Variants in BICRA observed in about 807,000 individuals in gnomAD.
The protein encoded by BICRA is BRD4-interacting chromatin-remodeling complex-associated protein.
BICRA carries 31 observed loss-of-function variants against 96.9 expected under a neutral mutation model. The ratio of observed to expected loss-of-function variants is 0.32; its 90% CI spans 0.24 to 0.43. The LOEUF is 0.43. BICRA is among the 20% of genes least tolerant of loss of function. The pLI, the probability that BICRA is intolerant of heterozygous loss-of-function variation, is 1.00. For missense variants in BICRA, 2,283 were observed against 2,190.3 expected, an observed-to-expected ratio of 1.04 and a Z score of -0.84; for synonymous variants, 1,350 against 1,071.8, an observed-to-expected ratio of 1.26 and a Z score of -5.07.
intron 1 of BICRA, among the ~76,000 whole-genome samples, chr19:47,668,358 A>G (rs1972813714): frequency 6.6e-6 from 1 of 152,194 alleles, no homozygotes; most frequent in South Asian, 2.1e-4. Context: ...GAGTGGCCAA[A>G]AAAATTGAGC....
chr19:47,674,758 G>T (rs1384352125), intron 4 of BICRA, among the ~76,000 whole-genome samples: 1 of 152,176 alleles, frequency 6.6e-6, no homozygotes, highest in Admixed American at 6.5e-5. Context: ...TGCTGCTTGA[G>T]TGTCTTCACA....
Position 47,695,045 on chromosome 19 carries a change from G to A in BICRA, c.3041G>A (p.Ser1014Asn). The A allele has an allele frequency of 1.3e-6, 2 of 1,500,060 alleles. No individual in the cohort carries two copies. The highest frequency in any genetic ancestry group is 1.8e-6 in the Non-Finnish European group (2 of 1,135,238). The allele number at this position is 1,500,060 out of a possible 1,614,324, so 92.9% of individuals were successfully genotyped here. A position where few individuals can be genotyped will look rare whatever the true frequency, so the allele number is the denominator to read the frequency against. Residue 1014 changes from serine (S) to asparagine (N), a missense_variant, in exon 9 of 15, where the codon AGC becomes AAC. Transcript: ENST00000594866. ...QAPSGTPTAP[S>N]HAPAPAPMAA... ...CCATCTGGGACCCCCACTGCCCCCAGCCACGCCCCCGCCCCGGCACCCATG... is the reference window on the plus strand; with the variant it reads ...CCATCTGGGACCCCCACTGCCCCCAACCACGCCCCCGCCCCGGCACCCATG...
At chr19:47,626,585 T>TTA (rs1972143214) in intron 1 of BICRA, among the ~76,000 whole-genome samples, 1 of 150,470 alleles carries the variant, frequency 6.6e-6, no homozygotes, top group African/African-American at 2.4e-5. Context: ...TTTTTTTTTT[T>TTA]TTTTTAGAGA....
intron 1 of BICRA, chr19:47,663,054 G>A (rs922944963): frequency 5.9e-5 from 9 of 152,220 alleles, no homozygotes; most frequent in African/African-American, 1.7e-4. Context: ...AAACCATAAG[G>A]ATTAACAAGT....
At chr19:47,637,527 G>A (rs1322438077) in intron 1 of BICRA, among the ~76,000 whole-genome samples, 1 of 152,184 alleles carries the variant, frequency 6.6e-6, no homozygotes, top group African/African-American at 2.4e-5. Flanking sequence ...TGATTCTCCT[G>A]CCTTGTTGAG....
At position 47,701,998 on chromosome 19, in the gene BICRA, C is replaced by T. The variant is rs1177503405; in HGVS notation, c.4266C>T (p.Asp1422=). The T allele has an allele frequency of 6.1e-6, 9 of 1,484,504 alleles. No homozygotes were observed. In the Admixed American group the frequency reaches 9.7e-5, roughly 16 times the overall value. 92.0% of individuals were successfully genotyped at this position (1,484,504 alleles called of 1,614,324 possible). A position where few individuals can be genotyped will look rare whatever the true frequency, so the allele number is the denominator to read the frequency against. The stretch of plus-strand genomic sequence containing the variant: ...CGGCGCCGCTGCCCGCCAAAGTGGA[C>T]GAGGCCACCAGCGGGCTCATCCGCG... ...GSPAPLPAKV[D]EATSGLIREL... is the part of the protein sequence containing the mutation. The change falls in exon 15 of 15, where the codon GAC becomes GAT. Residue 1422 remains aspartate, a synonymous_variant. Transcript: ENST00000594866. This position sits in a 1 kb window ranked among gnomAD's most constrained non-coding sequence, Gnocchi z 5.4.
intron 1 of BICRA, among the ~76,000 whole-genome samples, chr19:47,657,149 C>CCA (rs1972630777): frequency 6.6e-6 from 1 of 152,244 alleles, no homozygotes; most frequent in Non-Finnish European, 1.5e-5. Flanking sequence ...GCGTGAGCCA[C>CCA]TGCGCCGGGC....
At chr19:47,695,293 G>C (rs1025307946) in intron 9 of BICRA, 72 bp from the exon 10 acceptor site, 59 of 826,162 alleles carry the variant, frequency 7.1e-5, no homozygotes, top group Non-Finnish European at 1.1e-4. Flanking sequence ...TACAGGATGG[G>C]GCTCCCGTTT....
At chr19:47,649,995 G>A (rs958071908) in intron 1 of BICRA, among the ~76,000 whole-genome samples, 10 of 151,848 alleles carry the variant, frequency 6.6e-5, no homozygotes, top group South Asian at 2.1e-4. Flanking sequence ...TCTGTCGCCC[G>A]AACTGGAGTA....
rs769129135 is a variant in BICRA, at chr19:47,680,467, G to C, written c.1297G>C (p.Gly433Arg). The change falls in exon 6 of 15, where the codon GGA becomes CGA. Residue 433 changes from glycine (G) to arginine (R), a missense_variant. By Grantham distance (125) the Gly-to-Arg change is moderately radical (BLOSUM62 -2). Transcript: ENST00000594866. ...CAAGCAGCCACCGGCCACCACCACC[G>C]GAGCGGCCCCGCCGCAGCCCCCCGG... ...VFKQPPATTT[G>R]AAPPQPPGAL... 3.2e-6 allele frequency: 5 copies of C among 1,540,172 alleles called. No homozygotes were observed. Among genetic ancestry groups the C allele is most frequent in the Non-Finnish European group, 4.4e-6 (5 of 1,145,736 alleles).
In BICRA at chr19:47,694,125, C is replaced by T. The variant is rs985065779; in HGVS notation, c.2294C>T (p.Ala765Val). ...CCCTCCCCTGCCCAGATCCCGGCAG[C>T]GGCTCCGCTGAAGGGCCCAGGCCCC... ...SPAPAPQIPAAAPLKGPGPSS... is the reference protein window; with the variant it reads ...SPAPAPQIPAVAPLKGPGPSS... The change falls in exon 8 of 15, where the codon GCG (alanine) becomes GTG (valine). Residue 765 changes from alanine to valine, a missense_variant. By Grantham distance (64) the Ala-to-Val change is moderately conservative (BLOSUM62 0). Coordinates refer to ENST00000594866, the MANE Select transcript of BICRA (RefSeq NM_001394372.1). The T allele has an allele frequency of 1.6e-5, 24 of 1,491,592 alleles. No individual in the cohort carries two copies. Among genetic ancestry groups the T allele is most frequent in the Admixed American group, 4.3e-5 (2 of 46,986 alleles). The allele number at this position is 1,491,592 out of a possible 1,614,324, so 92.4% of individuals were successfully genotyped here.
At chr19:47,613,908 G>A (rs1971947035) in intron 1 of BICRA, among the ~76,000 whole-genome samples, 1 of 151,864 alleles carries the variant, frequency 6.6e-6, no homozygotes, top group African/African-American at 2.4e-5. Context: ...TTGTGTATGA[G>A]TGTATGTATT....
At chr19:47,685,786 T>TGTGCGCGCGCGTGC in intron 7 of BICRA, among the ~76,000 whole-genome samples, 465 of 117,938 alleles carry the variant, frequency 3.9e-3, no homozygotes, top group Non-Finnish European at 6.6e-3. Flanking sequence ...TGTGTGTGTG[T>TGTGCGCGCGCGTGC]GCGCGCGCGC....
chr19:47,639,809 A>T (rs1031271609), intron 1 of BICRA, among the ~76,000 whole-genome samples: 1 of 150,756 alleles, frequency 6.6e-6, no homozygotes, highest in Non-Finnish European at 1.5e-5. Flanking sequence ...CGCCCACCTA[A>T]TTTAAAATTT....
intron 1 of BICRA, among the ~76,000 whole-genome samples, chr19:47,633,225 G>A (rs1419230038): frequency 1.3e-5 from 2 of 151,462 alleles, no homozygotes; most frequent in Non-Finnish European, 2.9e-5. Context: ...GATTATAGGT[G>A]CCCGCCACCA....
At chr19:47,620,762 A>G (rs375193449) in intron 1 of BICRA, among the ~76,000 whole-genome samples, 3 of 151,722 alleles carry the variant, frequency 2.0e-5, no homozygotes, top group Non-Finnish European at 4.4e-5. Context: ...GGCTCCACAC[A>G]GACCAAACTC....
intron 1 of BICRA, among the ~76,000 whole-genome samples, chr19:47,650,333 A>G (rs866451917): frequency 1.4e-4 from 22 of 152,190 alleles, no homozygotes; most frequent in Admixed American, 3.3e-4. Context: ...GGGTTTCACT[A>G]TGTTGGCCAG....
At chr19:47,637,437 CAG>C (rs767600473) in intron 1 of BICRA, among the ~76,000 whole-genome samples, 32 of 149,894 alleles carry the variant, frequency 2.1e-4, no homozygotes, top group African/African-American at 7.9e-4. Context: ...TTTTTTGAGA[CAG>C]AGTCTTGCTC....
In BICRA at chr19:47,679,545, C is replaced by T. The variant is rs1322948682; in HGVS notation, c.375C>T (p.Asp125=). Residue 125 remains aspartate, a synonymous_variant, in exon 6 of 15, where the codon GAC becomes GAT. Coordinates refer to ENST00000594866, the MANE Select transcript of BICRA (RefSeq NM_001394372.1). ...CGCTGGAGGCCGAGGCTGAGCTGGA[C>T]CTGGGTCCCTTCCAGCTGCCCACCC... ...EQTLEAEAEL[D]LGPFQLPTLQ... is the part of the protein sequence containing the mutation. 1.3e-6 allele frequency: 2 copies of T among 1,547,180 alleles called. No homozygotes were observed. Among genetic ancestry groups the T allele is most frequent in the South Asian group, 1.2e-5 (1 of 83,772 alleles).
Sources: allele counts gnomAD v4.1 joint callset (sites outside exome capture counted in the v4.1 genomes callset), GRCh38; gene constraint gnomAD v4.1.1; non-coding constraint Gnocchi (gnomAD v3.1); transcripts MANE v1.5; gene names NCBI Gene and HGNC (gene_info 2026-07-23, HGNC 2026-07-21).